Variants in SAMD5 observed in about 807,000 individuals in gnomAD.
SAMD5 encodes the protein sterile alpha motif domain-containing protein 5.
A neutral mutation model predicts 11.3 loss-of-function variants in SAMD5; 13 were observed. The observed-to-expected ratio is 1.15, with a 90% CI of 0.75 to 1.83. SAMD5 has a LOEUF of 1.83. SAMD5 is among the 40% of genes most tolerant of loss of function. The pLI is 0.00. For synonymous variants in SAMD5, 129 were observed against 111.3 expected (o/e 1.16, Z -1.00); for missense variants, 255 against 239.1 (o/e 1.07, Z -0.44).
the SAMD5 span, among the ~76,000 whole-genome samples, chr6:147,842,604 T>G: frequency 5.3e-5 from 8 of 152,178 alleles, no homozygotes; most frequent in African/African-American, 1.7e-4. Context: ...AGACCTGGCA[T>G]GCTTGAAATT....
downstream of SAMD5, among the ~76,000 whole-genome samples, chr6:147,739,645 A>AT (rs1791850824): frequency 6.6e-6 from 1 of 152,072 alleles, no homozygotes; most frequent in African/African-American, 2.4e-5. Flanking sequence ...ATGGAAAGAG[A>AT]TTTTTAGTAC....
At chr6:147,786,460 T>A in the SAMD5 span, among the ~76,000 whole-genome samples, 1 of 152,232 alleles carries the variant, frequency 6.6e-6, no homozygotes, top group Non-Finnish European at 1.5e-5. Context: ...GCTCATATAC[T>A]CCCTTGTGGT....
chr6:147,790,793 TC>T, the SAMD5 span, among the ~76,000 whole-genome samples: 5 of 101,226 alleles, frequency 4.9e-5, no homozygotes, highest in South Asian at 6.8e-4. Flanking sequence ...TCTCTCTCTC[TC>T]TCTCTCTCTC....
intron 1 of SAMD5, among the ~76,000 whole-genome samples, chr6:147,655,232 T>G (rs1043747046): frequency 4.6e-5 from 7 of 152,208 alleles, no homozygotes; most frequent in African/African-American, 1.7e-4. Context: ...AGAAACAGGC[T>G]TAACATGTAA....
the SAMD5 span, among the ~76,000 whole-genome samples, chr6:147,906,944 G>T: frequency 2.0e-5 from 3 of 152,152 alleles, no homozygotes; most frequent in East Asian, 5.8e-4. Flanking sequence ...TTTTTTCAAA[G>T]GTATTTTCTT....
the SAMD5 span, among the ~76,000 whole-genome samples, chr6:147,939,585 G>A: frequency 2.8e-4 from 43 of 152,300 alleles, no homozygotes; most frequent in African/African-American, 8.2e-4. Flanking sequence ...CACACCTGCC[G>A]TGGAGATGCC....
chr6:147,705,046 A>T (rs189029202), intron 1 of SAMD5, among the ~76,000 whole-genome samples: 11 of 152,340 alleles, frequency 7.2e-5, no homozygotes, highest in Admixed American at 6.5e-4. Flanking sequence ...ACTTGTGCAT[A>T]AAAGATGTTA....
chr6:147,601,903 AGC>A (rs1265573693), intron 1 of SAMD5, among the ~76,000 whole-genome samples: 20 of 152,202 alleles, frequency 1.3e-4, no homozygotes, highest in African/African-American at 4.8e-4. Context: ...ATTTCGTGAA[AGC>A]TATCTTGGTG....
the SAMD5 span, among the ~76,000 whole-genome samples, chr6:147,944,312 C>T: frequency 1.3e-4 from 20 of 152,166 alleles, no homozygotes; most frequent in African/African-American, 9.7e-5. Context: ...CCCACATGGC[C>T]GGGGAGGCCT....
chr6:147,881,624 T>G, the SAMD5 span, among the ~76,000 whole-genome samples: 1 of 152,328 alleles, frequency 6.6e-6, no homozygotes, highest in Admixed American at 6.5e-5. Context: ...GCTTTCTTCC[T>G]TACAACAGCA....
At chr6:147,526,456 C>G (rs1480428201) in intron 1 of SAMD5, among the ~76,000 whole-genome samples, 8 of 152,168 alleles carry the variant, frequency 5.3e-5, no homozygotes, top group Admixed American at 3.9e-4. Context: ...TGTAAGTAAA[C>G]ATAACATTTC....
chr6:147,565,296 A>C lies in SAMD5; in HGVS notation c.*840A>C. On this transcript the variant is annotated 3_prime_UTR_variant, in exon 2 of 2. Transcript: ENST00000367474. Reference sequence around the variant, plus strand: ...TCCCACCTTGCTCTCCAGGCTTCTGACTTCAGGCCTGTGGGGGCCGGGAGG... The same window carrying C: ...TCCCACCTTGCTCTCCAGGCTTCTGCCTTCAGGCCTGTGGGGGCCGGGAGG... 7.1e-6 allele frequency: 7 copies of C among 985,814 alleles called. No homozygotes were observed. Among genetic ancestry groups the C allele is most frequent in the Non-Finnish European group, 8.4e-6 (7 of 829,952 alleles). 61.1% of individuals were successfully genotyped at this position (985,814 alleles called of 1,614,324 possible).
chr6:147,819,585 A>G, the SAMD5 span, among the ~76,000 whole-genome samples: 2 of 152,340 alleles, frequency 1.3e-5, no homozygotes, highest in African/African-American at 2.4e-5. Flanking sequence ...CAAATTCCCA[A>G]GTGAGTTTTA....
chr6:147,888,813 A>G, the SAMD5 span, among the ~76,000 whole-genome samples: 1 of 151,490 alleles, frequency 6.6e-6, no homozygotes, highest in Non-Finnish European at 1.5e-5. Flanking sequence ...TGAACCCAGG[A>G]GGCAGAGGTT....
the SAMD5 span, among the ~76,000 whole-genome samples, chr6:147,804,032 C>T: frequency 6.6e-6 from 1 of 152,160 alleles, no homozygotes; most frequent in Admixed American, 6.5e-5. Flanking sequence ...CTCCAGGTCA[C>T]CCATAGGTCT....
At chr6:147,791,794 G>A in the SAMD5 span, among the ~76,000 whole-genome samples, 2 of 152,062 alleles carry the variant, frequency 1.3e-5, no homozygotes, top group East Asian at 1.9e-4. Flanking sequence ...CATTATGATC[G>A]GTTGCTCTCA....
the SAMD5 span, among the ~76,000 whole-genome samples, chr6:147,903,051 C>G: frequency 4.6e-5 from 7 of 152,142 alleles, no homozygotes; most frequent in African/African-American, 1.7e-4. Context: ...TCTATAATAT[C>G]AAAAGGTAAG....
the SAMD5 span, among the ~76,000 whole-genome samples, chr6:147,944,960 A>G: frequency 6.6e-6 from 1 of 152,108 alleles, no homozygotes; most frequent in Non-Finnish European, 1.5e-5. Context: ...CATGTGTCTT[A>G]TACATCCTAA....
the SAMD5 span, among the ~76,000 whole-genome samples, chr6:147,882,514 A>G: frequency 6.6e-6 from 1 of 152,204 alleles, no homozygotes; most frequent in Non-Finnish European, 1.5e-5. Context: ...CAGGAATTCC[A>G]GGCTGCAGTG....
Sources: allele counts gnomAD v4.1 joint callset (sites outside exome capture counted in the v4.1 genomes callset), GRCh38; gene constraint gnomAD v4.1.1; transcripts MANE v1.5; gene names NCBI Gene and HGNC (gene_info 2026-07-23, HGNC 2026-07-21).